LRRC1: variants seen among roughly 807,000 people sequenced by gnomAD.
LRRC1 encodes the protein leucine-rich repeat-containing protein 1.
In LRRC1, 28 loss-of-function variants were observed where a neutral mutation model predicts 69.9. The ratio of observed to expected loss-of-function variants is 0.40; its 90% CI spans 0.30 to 0.55. The LOEUF is 0.55. LRRC1 is among the 20% of genes least tolerant of loss of function. The pLI is 0.47. For missense variants in LRRC1, 498 were observed against 609.0 expected (o/e 0.82, Z 1.92); for synonymous variants, 236 against 240.2 (o/e 0.98, Z 0.16).
At chr6:53,838,008 G>A (rs1260220322) in intron 1 of LRRC1, among the ~76,000 whole-genome samples, 2 of 152,218 alleles carry the variant, frequency 1.3e-5, no homozygotes, top group Non-Finnish European at 2.9e-5. Flanking sequence ...TCACATGGTT[G>A]CACTGCACTG....
chr6:53,855,975 T>G (rs947703284), intron 2 of LRRC1, among the ~76,000 whole-genome samples: 2 of 152,204 alleles, frequency 1.3e-5, no homozygotes, highest in African/African-American at 4.8e-5. Flanking sequence ...GAGCAGATGC[T>G]TTGGTCTTCT....
intron 2 of LRRC1, among the ~76,000 whole-genome samples, chr6:53,873,018 A>G (rs771234103): frequency 6.6e-6 from 1 of 152,016 alleles, no homozygotes; most frequent in East Asian, 1.9e-4. Context: ...CGACCTCCCA[A>G]AGTGCTGGGA....
chr6:53,861,183 AAAAAT>A (rs1470331877), intron 2 of LRRC1, among the ~76,000 whole-genome samples: 4 of 152,120 alleles, frequency 2.6e-5, no homozygotes, highest in South Asian at 2.1e-4. Flanking sequence ...GAAGTTAAAA[AAAAAT>A]AAAATAAAAT....
chr6:53,851,698 A>C (rs7739668), intron 2 of LRRC1, among the ~76,000 whole-genome samples: 18,063 of 152,134 alleles, frequency 0.12, 1,328 homozygotes, highest in Non-Finnish European at 0.17. Context: ...GTAAACATAG[A>C]TACCACAGAC....
intron 2 of LRRC1, among the ~76,000 whole-genome samples, chr6:53,856,402 T>G (rs6458968): frequency 0.37 from 56,438 of 151,952 alleles, 10,958 homozygotes; most frequent in East Asian, 0.64. Flanking sequence ...TCAGAGGTAT[T>G]CCTGAAGGAG....
At chr6:53,852,217 T>G (rs887074988) in intron 2 of LRRC1, among the ~76,000 whole-genome samples, 7 of 152,350 alleles carry the variant, frequency 4.6e-5, no homozygotes, top group Middle Eastern at 3.4e-3. Flanking sequence ...GAAGTATGCT[T>G]TTTGTTAGAA....
intron 2 of LRRC1, among the ~76,000 whole-genome samples, chr6:53,845,126 C>G (rs916072123): frequency 6.6e-6 from 1 of 152,186 alleles, no homozygotes; most frequent in Admixed American, 6.5e-5. Context: ...ATCGCTTGAA[C>G]CCGGGAGGTG....
At chr6:53,896,679 G>T in intron 5 of LRRC1, 125 bp downstream of exon 5, 1 of 1,046,376 alleles carries the variant, frequency 9.6e-7, no homozygotes, top group Non-Finnish European at 1.4e-6. Flanking sequence ...ATGCCAGCCG[G>T]CCTTTTCTTA....
At chr6:53,908,415 G>T (rs1361220412) in intron 10 of LRRC1, among the ~76,000 whole-genome samples, 2 of 152,152 alleles carry the variant, frequency 1.3e-5, no homozygotes, top group Admixed American at 1.3e-4. Flanking sequence ...AGAAATGCCT[G>T]TGGTGATAGA....
chr6:53,798,944 G>T (rs1764383575), intron 1 of LRRC1, among the ~76,000 whole-genome samples: 1 of 152,148 alleles, frequency 6.6e-6, no homozygotes, highest in Non-Finnish European at 1.5e-5. Context: ...AGGAACCTTG[G>T]CTTCCCCTCT....
Position 53,913,828 on chromosome 6 carries a change from A to T in LRRC1, c.991-26A>T, listed in dbSNP as rs752297699. 3 of 1,523,534 alleles carry T rather than the reference A, an allele frequency of 2.0e-6. No individual in the cohort carries two copies. The Admixed American group carries it at 5.1e-5, about 26-fold the overall frequency. 94.4% of individuals were successfully genotyped at this position (1,523,534 alleles called of 1,614,324 possible). ...CCATCTCCCCTAGAAAACTGGAAAA[A>T]AGATGTATTTTCTTTCTCACCATAG... On this transcript the variant is annotated intron_variant, in intron 10 of 13. Transcript: ENST00000370888.
intron 4 of LRRC1, among the ~76,000 whole-genome samples, chr6:53,887,082 G>T (rs185445910): frequency 6.6e-6 from 1 of 152,078 alleles, no homozygotes; most frequent in Non-Finnish European, 1.5e-5. Context: ...TCAGGTTCTG[G>T]AAGATTTATG....
chr6:53,801,468 A>T (rs3000997), intron 1 of LRRC1, among the ~76,000 whole-genome samples: 129,319 of 152,228 alleles, frequency 0.85, 55,014 homozygotes, highest in East Asian at 0.96. Flanking sequence ...TTTAAGTCAA[A>T]GCTTAGGGGA....
At chr6:53,822,071 TTTG>T (rs1449378180) in intron 1 of LRRC1, among the ~76,000 whole-genome samples, 1 of 152,186 alleles carries the variant, frequency 6.6e-6, no homozygotes, top group Non-Finnish European at 1.5e-5. Flanking sequence ...ACAGTTTCTC[TTTG>T]TTGTTACCCT....
intron 11 of LRRC1, among the ~76,000 whole-genome samples, chr6:53,917,327 G>C (rs777536326): frequency 5.3e-5 from 8 of 152,208 alleles, no homozygotes; most frequent in African/African-American, 1.9e-4. Context: ...GGCAGCTCAT[G>C]TGTGGTGTGG....
At chr6:53,809,833 T>C (rs1048924844) in intron 1 of LRRC1, among the ~76,000 whole-genome samples, 17 of 152,158 alleles carry the variant, frequency 1.1e-4, no homozygotes, top group Non-Finnish European at 4.4e-5. Flanking sequence ...AAAATGCCTT[T>C]AATGAAACAG....
intron 1 of LRRC1, among the ~76,000 whole-genome samples, chr6:53,829,164 T>A (rs1248316705): frequency 6.6e-6 from 1 of 152,216 alleles, no homozygotes; most frequent in Non-Finnish European, 1.5e-5. Context: ...GTAGACATAC[T>A]GGGACTTTGA....
intron 1 of LRRC1, among the ~76,000 whole-genome samples, chr6:53,822,077 G>A (rs1336268339): frequency 6.6e-6 from 1 of 152,040 alleles, no homozygotes; most frequent in African/African-American, 2.4e-5. Context: ...TCTCTTTGTT[G>A]TTACCCTAGC....
chr6:53,847,497 C>G (rs1765984998), intron 2 of LRRC1, among the ~76,000 whole-genome samples: 2 of 152,186 alleles, frequency 1.3e-5, no homozygotes, highest in South Asian at 4.1e-4. Flanking sequence ...TGTCCAGAGA[C>G]TGCATACCTT....
Sources: gnomAD v4.1 joint callset for allele counts (sites outside exome capture counted in the v4.1 genomes callset) on GRCh38, gnomAD v4.1.1 for gene constraint, MANE v1.5 for transcripts, NCBI Gene and HGNC (gene_info 2026-07-23, HGNC 2026-07-21) for gene names.